Variants in CNTN5 observed in about 807,000 individuals in gnomAD.
The protein encoded by CNTN5 is contactin 5, also known as contactin-5.
In CNTN5, 77 loss-of-function variants were observed where a neutral mutation model predicts 129.1. That is an observed-to-expected ratio of 0.60 (90% confidence interval 0.50 to 0.72). The LOEUF (loss-of-function observed/expected upper bound fraction) is 0.72, where lower values mean the gene tolerates loss of function less well. CNTN5 is among the 30% of genes least tolerant of loss of function. The probability of loss-of-function intolerance (pLI) is 0.00; values close to 1 mark genes in which losing one functional copy is unlikely to be tolerated. For missense variants in CNTN5, 1,478 were observed against 1,328.8 expected (o/e 1.11, Z -1.75); for synonymous variants, 509 against 465.6 (o/e 1.09, Z -1.20).
In CNTN5 at chr11:100,224,789, A is replaced by C. The variant is rs1161931974; in HGVS notation, c.1982A>C (p.Asp661Ala). Residue 661 changes from aspartate to alanine, a missense_variant, in exon 16 of 25, where the codon GAT becomes GCT. Transcript: ENST00000524871. The part of the protein sequence containing the change: ...RVQTTADSVS[D>A]EAELLVRGPP... ...CAGACCACAGCAGACAGTGTGTCAG[A>C]TGAGGCAGAACTTCTTGTTAGGGGT... is the stretch of plus-strand genomic sequence containing the variant. 1.9e-6 allele frequency: 3 copies of C among 1,613,222 alleles called. 1 individual carries two copies. The South Asian group carries it at 3.3e-5, about 18-fold the overall frequency.
intron 13 of CNTN5, among the ~76,000 whole-genome samples, chr11:100,167,475 C>A (rs1274309220): frequency 6.6e-6 from 1 of 151,748 alleles, no homozygotes; most frequent in Non-Finnish European, 1.5e-5. Flanking sequence ...ATGTTAGACA[C>A]GAGAGATACA....
chr11:99,509,753 T>C (rs960200426), intron 2 of CNTN5, among the ~76,000 whole-genome samples: 1 of 152,014 alleles, frequency 6.6e-6, no homozygotes, highest in Non-Finnish European at 1.5e-5. Context: ...AAAGAGATTA[T>C]TGATCATTTA....
intron 3 of CNTN5, among the ~76,000 whole-genome samples, chr11:99,672,330 C>A (rs1184021961): frequency 6.6e-6 from 1 of 151,880 alleles, no homozygotes; most frequent in Non-Finnish European, 1.5e-5. Flanking sequence ...TAGTTTTTTT[C>A]TTAGTAGGCT....
chr11:99,621,718 CTTTA>C (rs1950957179), intron 3 of CNTN5, among the ~76,000 whole-genome samples: 1 of 152,128 alleles, frequency 6.6e-6, no homozygotes, highest in Admixed American at 6.6e-5. Context: ...TGTAACATTT[CTTTA>C]TTAACCTTCT....
intron 1 of CNTN5, among the ~76,000 whole-genome samples, chr11:99,233,676 G>A (rs182097779): frequency 2.6e-5 from 4 of 152,098 alleles, no homozygotes; most frequent in African/African-American, 9.7e-5. Flanking sequence ...GGCCGGATGC[G>A]GTGGCTCACG....
At chr11:99,579,005 G>A (rs541784505) in intron 3 of CNTN5, among the ~76,000 whole-genome samples, 14 of 151,938 alleles carry the variant, frequency 9.2e-5, no homozygotes, top group African/African-American at 3.1e-4. Context: ...GTTAATTTTT[G>A]TATAAGGTGT....
Position 100,027,130 on chromosome 11 carries a change from T to G in CNTN5, c.980+24994T>G, listed in dbSNP as rs192912183. Among the ~76,000 whole-genome samples, 15 of 152,344 alleles carry G rather than the reference T, an allele frequency of 9.8e-5. No homozygotes were observed. The South Asian group carries it at 2.3e-3, about 23-fold the overall frequency. On this transcript the variant is annotated intron_variant, in intron 9 of 24. Transcript: ENST00000524871. ...TGTTTTAATGTTCTTGTTTACTAAC[T>G]CCATCATATGTGTCATTTTTATGTT...
chr11:99,828,255 T>C (rs1360360424), intron 4 of CNTN5, among the ~76,000 whole-genome samples: 1 of 152,210 alleles, frequency 6.6e-6, no homozygotes, highest in African/African-American at 2.4e-5. Flanking sequence ...TACTGCTTCT[T>C]TGTAAACTAA....
intron 2 of CNTN5, among the ~76,000 whole-genome samples, chr11:99,509,478 A>T (rs1314777803): frequency 6.6e-6 from 1 of 152,202 alleles, no homozygotes; most frequent in African/African-American, 2.4e-5. Flanking sequence ...AGAGATAAGG[A>T]TATTGGTTAA....
chr11:99,564,611 G>A (rs1948945267), intron 3 of CNTN5, among the ~76,000 whole-genome samples: 1 of 152,178 alleles, frequency 6.6e-6, no homozygotes, highest in African/African-American at 2.4e-5. Flanking sequence ...CAAAGAATAT[G>A]TGAAATCATT....
chr11:99,709,411 G>C (rs941363058), intron 3 of CNTN5, among the ~76,000 whole-genome samples: 2 of 136,068 alleles, frequency 1.5e-5, no homozygotes, highest in East Asian at 2.2e-4. Flanking sequence ...GAAAGTCTCA[G>C]TCTGTTTAAG....
At chr11:99,368,708 G>A (rs965064691) in intron 2 of CNTN5, among the ~76,000 whole-genome samples, 4 of 152,212 alleles carry the variant, frequency 2.6e-5, no homozygotes, top group Non-Finnish European at 4.4e-5. Flanking sequence ...GTGCTTAGAA[G>A]GAAAACAACT....
chr11:99,958,353 T>C (rs1950856997), intron 8 of CNTN5, among the ~76,000 whole-genome samples: 1 of 152,212 alleles, frequency 6.6e-6, no homozygotes, highest in South Asian at 2.1e-4. Context: ...TACACAAATA[T>C]TTCAAGGCTT....
intron 21 of CNTN5, among the ~76,000 whole-genome samples, chr11:100,339,063 G>C (rs1194287550): frequency 6.6e-6 from 1 of 151,746 alleles, no homozygotes; most frequent in Non-Finnish European, 1.5e-5. Context: ...CAGTGCCCAG[G>C]TCAGGGTGCC....
intron 1 of CNTN5, among the ~76,000 whole-genome samples, chr11:99,027,778 C>T (rs1171251148): frequency 6.6e-6 from 1 of 151,582 alleles, no homozygotes; most frequent in South Asian, 2.1e-4. Flanking sequence ...TCTCCTGATG[C>T]TTTAATTGAC....
chr11:99,036,969 G>T (rs142404990), intron 1 of CNTN5, among the ~76,000 whole-genome samples: 3 of 152,178 alleles, frequency 2.0e-5, no homozygotes, highest in Non-Finnish European at 4.4e-5. Context: ...ATGCTTTGAG[G>T]CATTGCCAGA....
chr11:99,556,281 G>A lies in CNTN5; in HGVS notation c.55+12G>A, dbSNP rs1183634156. On this transcript the variant is annotated intron_variant, in intron 3 of 24. Coordinates refer to ENST00000524871, the MANE Select transcript of CNTN5 (RefSeq NM_014361.4). ...CATGTGTCTTTCAGGTAAAAGTCCT[G>A]ATTAATTAATTATTTGATTTTCTAA... The A allele has an allele frequency of 2.7e-6, 4 of 1,490,868 alleles. No individual in the cohort carries two copies. Among genetic ancestry groups the A allele is most frequent in the Middle Eastern group, 1.7e-4 (1 of 5,762 alleles). The allele number at this position is 1,490,868 out of a possible 1,614,324, so 92.4% of individuals were successfully genotyped here.
intron 13 of CNTN5, among the ~76,000 whole-genome samples, chr11:100,092,970 T>A (rs1042034766): frequency 1.6e-4 from 24 of 152,084 alleles, no homozygotes; most frequent in African/African-American, 5.6e-4. Context: ...CGCCCTGGTT[T>A]TGGAGAAAAA....
chr11:99,998,978 T>C (rs1485231850), intron 8 of CNTN5, among the ~76,000 whole-genome samples: 2 of 151,964 alleles, frequency 1.3e-5, no homozygotes, highest in East Asian at 1.9e-4. Context: ...ACTGGATCCC[T>C]TCCTTACACC....
Sources: allele counts gnomAD v4.1 joint callset (sites outside exome capture counted in the v4.1 genomes callset), GRCh38; gene constraint gnomAD v4.1.1; transcripts MANE v1.5; gene names NCBI Gene and HGNC (gene_info 2026-07-23, HGNC 2026-07-21).